Variants in ADCY10 observed in about 807,000 individuals in gnomAD.
ADCY10 encodes the protein adenylate cyclase 10.
ADCY10 carries 156 observed loss-of-function variants against 183.3 expected under a neutral mutation model. The ratio of observed to expected loss-of-function variants is 0.85; its 90% CI spans 0.75 to 0.97. The LOEUF is 0.97. Among genes scored for constraint, ADCY10 ranks in the 50% least tolerant of loss-of-function variants. The pLI, the probability that ADCY10 is intolerant of heterozygous loss-of-function variation, is 0.00. For missense variants in ADCY10, 1,745 were observed against 1,934.3 expected (o/e 0.90, Z 1.84); for synonymous variants, 645 against 670.0 (o/e 0.96, Z 0.58).
intron 1 of ADCY10, among the ~76,000 whole-genome samples, chr1:167,909,002 A>G (rs1224325132): frequency 3.3e-5 from 5 of 152,222 alleles, no homozygotes; most frequent in Non-Finnish European, 7.3e-5. Context: ...TGTAATACCC[A>G]TTCATAGCAA....
In ADCY10 at chr1:167,836,296, A is replaced by G. The variant is rs1364650719; in HGVS notation, c.3309+13T>C. 6.4e-7 allele frequency: 1 copy of G among 1,573,584 alleles called. No homozygotes were observed. The highest frequency in any genetic ancestry group is 2.2e-5 in the East Asian group (1 of 44,564). On this transcript the variant is annotated intron_variant, in intron 23 of 32. Transcript: ENST00000367851. ...TCTCTAGGGTGGAGGTGGTCTGGGT[A>G]GAAACAGCTTACCATGTAGTTATCA... is the stretch of plus-strand genomic sequence containing the variant.
chr1:167,862,122 C>T (rs1333284159), intron 14 of ADCY10, among the ~76,000 whole-genome samples: 1 of 152,228 alleles, frequency 6.6e-6, no homozygotes, highest in Non-Finnish European at 1.5e-5. Context: ...TCCTCCTCTT[C>T]TGTGAGAGCT....
chr1:167,876,911 A>T (rs950142263), intron 12 of ADCY10, among the ~76,000 whole-genome samples: 1 of 152,144 alleles, frequency 6.6e-6, no homozygotes, highest in African/African-American at 2.4e-5. Context: ...AACATGCTGG[A>T]TGGAAGATGA....
rs1571287168 is a variant in ADCY10, at chr1:167,846,184, G to A, written c.2517C>T (p.Thr839=). ...LVRCAAIIGL[T]FTTELLFEIL... is the part of the protein sequence containing the mutation. ...TCTCAAACAACAACTCAGTGGTGAA[G>A]GTCAGGCCAATGATGGCAGCACATC... Residue 839 remains threonine, a synonymous_variant, in exon 20 of 33, where the codon ACC becomes ACT. Transcript: ENST00000367851. 1 of 1,614,210 alleles carries A rather than the reference G, an allele frequency of 6.2e-7. No individual in the cohort carries two copies. Among genetic ancestry groups the A allele is most frequent in the Non-Finnish European group, 8.5e-7 (1 of 1,180,046 alleles).
rs760804826 is a variant in ADCY10 at position 167,818,272 on chromosome 1, A to G, written c.4287-5T>C. On this transcript the variant is annotated splice_region_variant and splice_polypyrimidine_tract_variant and intron_variant, in intron 30 of 32. Transcript: ENST00000367851. ...CATTCCTGAAGTCTGGCATACCTGC[A>G]TTACCACAAGAGAATAAGAAAAATC... 1.2e-6 allele frequency: 2 copies of G among 1,613,214 alleles called. No homozygotes were observed. Among genetic ancestry groups the G allele is most frequent in the Middle Eastern group, 1.6e-4 (1 of 6,062 alleles).
At chr1:167,831,338 C>A (rs1004108277) in intron 25 of ADCY10, among the ~76,000 whole-genome samples, 1 of 152,028 alleles carries the variant, frequency 6.6e-6, no homozygotes, top group Non-Finnish European at 1.5e-5. Context: ...TACAGGTGCA[C>A]GCCACCACGC....
intron 7 of ADCY10, 86 bp from the exon 8 acceptor site, chr1:167,894,027 T>C: frequency 1.1e-6 from 1 of 894,606 alleles, no homozygotes; most frequent in Non-Finnish European, 1.8e-6. Context: ...GTCCCTATTC[T>C]CTTGGGCAGT....
At chr1:167,831,201 T>A (rs951761722) in intron 25 of ADCY10, among the ~76,000 whole-genome samples, 1 of 152,064 alleles carries the variant, frequency 6.6e-6, no homozygotes, top group Non-Finnish European at 1.5e-5. Flanking sequence ...CTCTCTCTTT[T>A]TTTTTTGAGA....
At chr1:167,826,317 C>T (rs1663283932) in intron 26 of ADCY10, among the ~76,000 whole-genome samples, 1 of 152,238 alleles carries the variant, frequency 6.6e-6, no homozygotes. Context: ...GGAGGTCCAA[C>T]TGCTTCACTT....
intron 18 of ADCY10, 63 bp from the exon 19 acceptor site, chr1:167,848,552 C>T: frequency 6.3e-7 from 1 of 1,599,328 alleles, no homozygotes. Flanking sequence ...GTCTGATTTT[C>T]CAATGAACTT....
chr1:167,829,486 A>G (rs543639917), intron 25 of ADCY10, 63 bp from the exon 26 acceptor site: 97 of 1,597,560 alleles, frequency 6.1e-5, no homozygotes, highest in Non-Finnish European at 7.5e-5. Context: ...GATTTAGGGG[A>G]GCACAGGTAC....
intron 30 of ADCY10, 42 bp from the exon 31 acceptor site, chr1:167,818,309 T>C: frequency 6.4e-7 from 1 of 1,558,996 alleles, no homozygotes. Context: ...GTATCACCCA[T>C]TAGGAATAGG....
At position 167,848,493 on chromosome 1, in the gene ADCY10, C is replaced by T. The variant is rs769492880; in HGVS notation, c.2309-4G>A. 8.7e-6 allele frequency: 14 copies of T among 1,613,306 alleles called. No individual in the cohort carries two copies. The highest frequency in any genetic ancestry group is 1.6e-4 in the Middle Eastern group (1 of 6,072). On this transcript the variant is annotated splice_polypyrimidine_tract_variant and splice_region_variant and intron_variant, in intron 18 of 32. Coordinates refer to ENST00000367851, the MANE Select transcript of ADCY10 (RefSeq NM_018417.6). ...TCTGTTAGCTTAATGGAATACTCTACAGGGGTATAAAAGGGAAGAAAAGTT... is the reference window on the plus strand; with the variant it reads ...TCTGTTAGCTTAATGGAATACTCTATAGGGGTATAAAAGGGAAGAAAAGTT...
At chr1:167,831,162 T>A (rs750648124) in intron 25 of ADCY10, among the ~76,000 whole-genome samples, 1 of 152,096 alleles carries the variant, frequency 6.6e-6, no homozygotes, top group Non-Finnish European at 1.5e-5. Context: ...TTTTAAAGGT[T>A]CTTAGGAAAC....
chr1:167,883,657 G>A, intron 8 of ADCY10, 29 bp from the exon 9 acceptor site: 1 of 1,613,016 alleles, frequency 6.2e-7, no homozygotes, highest in Non-Finnish European at 8.5e-7. Flanking sequence ...CTTTCTGTAG[G>A]TGTCCTTGGC....
intron 14 of ADCY10, among the ~76,000 whole-genome samples, chr1:167,869,673 T>C (rs890225090): frequency 5.3e-5 from 8 of 152,220 alleles, no homozygotes; most frequent in Non-Finnish European, 8.8e-5. Flanking sequence ...TGTTTCACTG[T>C]GACCACCAGT....
intron 16 of ADCY10, 37 bp downstream of exon 16, chr1:167,859,770 T>A (rs773134443): frequency 6.6e-7 from 1 of 1,513,572 alleles, no homozygotes; most frequent in South Asian, 1.1e-5. Flanking sequence ...TTGCCCAGTT[T>A]TCTTCCCCCT....
chr1:167,877,703 G>A (rs566935050), intron 12 of ADCY10, among the ~76,000 whole-genome samples: 3 of 152,316 alleles, frequency 2.0e-5, no homozygotes, highest in South Asian at 2.1e-4. Flanking sequence ...AAAAAAGGAA[G>A]AGGAAGAAGG....
intron 19 of ADCY10, among the ~76,000 whole-genome samples, chr1:167,847,128 T>A (rs1461527013): frequency 6.6e-6 from 1 of 151,922 alleles, no homozygotes; most frequent in African/African-American, 2.4e-5. Context: ...GATTTCACCA[T>A]GTTGACCAGG....
Sources: allele counts gnomAD v4.1 joint callset (sites outside exome capture counted in the v4.1 genomes callset), GRCh38; gene constraint gnomAD v4.1.1; transcripts MANE v1.5; gene names NCBI Gene and HGNC (gene_info 2026-07-23, HGNC 2026-07-21).